BRDT: variants seen among roughly 807,000 people sequenced by gnomAD.
BRDT encodes the protein bromodomain testis-specific protein.
BRDT carries 77 observed loss-of-function variants against 113.9 expected under a neutral mutation model. That is an observed-to-expected ratio of 0.68 (90% confidence interval 0.56 to 0.82). BRDT has a LOEUF of 0.82. Among genes scored for constraint, BRDT ranks in the 40% least tolerant of loss-of-function variants. The pLI is 0.00. For missense variants in BRDT, 1,027 were observed against 1,105.4 expected, an observed-to-expected ratio of 0.93 and a Z score of 1.01; for synonymous variants, 358 against 366.5, an observed-to-expected ratio of 0.98 and a Z score of 0.26.
At chr1:92,007,391 C>A (rs372813496) in intron 18 of BRDT, among the ~76,000 whole-genome samples, 1 of 152,192 alleles carries the variant, frequency 6.6e-6, no homozygotes, top group Non-Finnish European at 1.5e-5. Flanking sequence ...GTCCTCCCAA[C>A]CTCCACCCTC....
intron 12 of BRDT, among the ~76,000 whole-genome samples, chr1:91,983,334 A>T (rs35322567): frequency 0.27 from 37,889 of 140,918 alleles, 6,012 homozygotes; most frequent in Admixed American, 0.39. Flanking sequence ...GCGCTATCTT[A>T]GCTCACTGCA....
At position 91,992,302 on chromosome 1, in the gene BRDT, A is replaced by G; in HGVS notation, c.2103A>G (p.Thr701=). 1 of 1,520,226 alleles carries G rather than the reference A, an allele frequency of 6.6e-7. No homozygotes were observed. The highest frequency in any genetic ancestry group is 8.9e-7 in the Non-Finnish European group (1 of 1,129,188). The allele number at this position is 1,520,226 out of a possible 1,614,324, so 94.2% of individuals were successfully genotyped here. The stretch of plus-strand genomic sequence containing the variant: ...AATGCATACCGCCTGAAGGAAGAAC[A>G]GGCGTCACACAGGTAATGCTTAAAA... ...KNECIPPEGR[T]GVTQIGYCVQ... Residue 701 remains threonine, a synonymous_variant, in exon 14 of 19, where the codon ACA becomes ACG. Coordinates refer to ENST00000399546, the MANE Select transcript of BRDT (RefSeq NM_207189.4).
chr1:91,974,563 A>T (rs1436110093), intron 4 of BRDT, among the ~76,000 whole-genome samples: 1 of 152,274 alleles, frequency 6.6e-6, no homozygotes, highest in Non-Finnish European at 1.5e-5. Flanking sequence ...AGAGAAATCC[A>T]AATCAAAACC....
chr1:91,989,141 A>G (rs922620054), intron 12 of BRDT, among the ~76,000 whole-genome samples: 20 of 151,940 alleles, frequency 1.3e-4, no homozygotes, highest in Admixed American at 3.3e-4. Context: ...AGTTTTATGT[A>G]TTAGAAAACT....
At chr1:91,978,475 A>G (rs1387419786) in intron 7 of BRDT, among the ~76,000 whole-genome samples, 179 bp downstream of exon 7, 1 of 152,174 alleles carries the variant, frequency 6.6e-6, no homozygotes, top group African/African-American at 2.4e-5. Context: ...TTTAAAACTG[A>G]GAGGGTTGTG....
At chr1:91,979,079 A>G (rs1684461544) in intron 7 of BRDT, among the ~76,000 whole-genome samples, 9 of 151,020 alleles carry the variant, frequency 6.0e-5, no homozygotes, top group Admixed American at 4.6e-4. Flanking sequence ...AAAAATGGAG[A>G]AAAGTTGGTA....
intron 3 of BRDT, among the ~76,000 whole-genome samples, chr1:91,966,134 T>TA (rs1469185155): frequency 1.9e-4 from 29 of 152,288 alleles, no homozygotes; most frequent in South Asian, 1.7e-3. Flanking sequence ...CTCTCATCCA[T>TA]AAAATTGGAT....
intron 4 of BRDT, 84 bp from the exon 5 acceptor site, chr1:91,976,182 C>A: frequency 7.5e-7 from 1 of 1,339,752 alleles, no homozygotes; most frequent in Non-Finnish European, 9.9e-7. Flanking sequence ...AAAAGCTGAA[C>A]TAAATGAAAT....
rs535529824 is a variant in BRDT at position 91,978,031 on chromosome 1, A to G, written c.970-137A>G. The G allele has an allele frequency of 4.2e-3, 3,702 of 880,970 alleles. 10 individuals carry two copies. Among genetic ancestry groups the G allele is most frequent in the Non-Finnish European group, 4.9e-3 (3,002 of 617,338 alleles). 54.6% of individuals were successfully genotyped at this position (880,970 alleles called of 1,614,324 possible). On this transcript the variant is annotated intron_variant, in intron 6 of 18. Transcript: ENST00000399546. ...ATGAAACAAATGTAGCAAAATTTTA[A>G]CATTTGTCAAATCTGGATGGTGGAC...
chr1:91,963,921 C>T (rs1206727153), intron 2 of BRDT, among the ~76,000 whole-genome samples: 1 of 150,972 alleles, frequency 6.6e-6, no homozygotes. Flanking sequence ...ACCCAGACTA[C>T]AGTGGAGTGG....
intron 18 of BRDT, among the ~76,000 whole-genome samples, chr1:92,012,298 GAA>G (rs377056596): frequency 7.7e-5 from 8 of 104,412 alleles, no homozygotes; most frequent in African/African-American, 1.7e-4. Context: ...ACTCCATCTA[GAA>G]AAAAAAAAAA....
chr1:92,010,698 T>C (rs1361884461), intron 18 of BRDT, among the ~76,000 whole-genome samples: 1 of 152,176 alleles, frequency 6.6e-6, no homozygotes, highest in Non-Finnish European at 1.5e-5. Flanking sequence ...GTGTATTAAT[T>C]TTCATCCCAG....
At chr1:91,998,837 G>A (rs1425515229) in intron 15 of BRDT, among the ~76,000 whole-genome samples, 1 of 152,190 alleles carries the variant, frequency 6.6e-6, no homozygotes, top group Non-Finnish European at 1.5e-5. Context: ...CAACATGAAT[G>A]TGAAGGTATT....
chr1:92,005,268 A>G lies in BRDT; in HGVS notation c.2744A>G (p.Gln915Arg). The G allele has an allele frequency of 1.9e-6, 3 of 1,575,532 alleles. No individual in the cohort carries two copies. The highest frequency in any genetic ancestry group is 2.6e-6 in the Non-Finnish European group (3 of 1,167,132). Residue 915 changes from glutamine to arginine, a missense_variant, in exon 18 of 19, where the codon CAG becomes CGG. By Grantham distance (43) the Gln-to-Arg change is conservative. Coordinates refer to ENST00000399546, the MANE Select transcript of BRDT (RefSeq NM_207189.4). ...WLLKDRDLAR[Q>R]KEQERRRREA... ...CTCAAAGACCGTGATTTAGCAAGGCAGAAAGAACAAGAGAGGAGGAGGAGA... is the reference window on the plus strand; with the variant it reads ...CTCAAAGACCGTGATTTAGCAAGGCGGAAAGAACAAGAGAGGAGGAGGAGA...
intron 15 of BRDT, among the ~76,000 whole-genome samples, chr1:92,000,697 C>A (rs570762647): frequency 6.6e-6 from 1 of 152,296 alleles, no homozygotes; most frequent in African/African-American, 2.4e-5. Flanking sequence ...TCTTGTTCTT[C>A]AGCCACGAAT....
At chr1:91,988,921 G>A (rs1252133157) in intron 12 of BRDT, among the ~76,000 whole-genome samples, 1 of 152,150 alleles carries the variant, frequency 6.6e-6, no homozygotes, top group African/African-American at 2.4e-5. Context: ...ACTTTTATGA[G>A]ACATATATAG....
intron 12 of BRDT, among the ~76,000 whole-genome samples, chr1:91,982,234 A>T (rs995233240): frequency 6.6e-6 from 1 of 151,498 alleles, no homozygotes; most frequent in Admixed American, 6.6e-5. Flanking sequence ...TGTGAATCAG[A>T]TTTTTTTTTC....
Position 91,980,732 on chromosome 1 carries a change from GA to G in BRDT, c.1383del (p.Glu462LysfsTer17), listed in dbSNP as rs749334062. On this transcript the variant is annotated frameshift_variant, in exon 9 of 19. Coordinates refer to ENST00000399546, the MANE Select transcript of BRDT (RefSeq NM_207189.4). LOFTEE classifies it high-confidence loss of function. The part of the protein sequence containing the change: ...KKKEKSKKEK[K>X]KEKVNNSNEN... Reference sequence around the variant, plus strand: ...AGAAAGAGAAGTCTAAAAAGGAAAAGAAAAAAGAAAAGGTTAATAACAGCAA... The same window carrying G: ...AGAAAGAGAAGTCTAAAAAGGAAAAGAAAAAGAAAAGGTTAATAACAGCAA... 6.2e-6 allele frequency: 10 copies of G among 1,607,346 alleles called. No individual in the cohort carries two copies. The highest frequency in any genetic ancestry group is 8.5e-6 in the Non-Finnish European group (10 of 1,178,560).
At chr1:91,959,539 G>A (rs1046190438) in intron 1 of BRDT, among the ~76,000 whole-genome samples, 10 of 151,708 alleles carry the variant, frequency 6.6e-5, no homozygotes, top group Admixed American at 2.0e-4. Context: ...GGAGTGCAGT[G>A]GCACAATCTG....
Sources: allele counts gnomAD v4.1 joint callset (sites outside exome capture counted in the v4.1 genomes callset), GRCh38; gene constraint gnomAD v4.1.1; transcripts MANE v1.5; gene names NCBI Gene and HGNC (gene_info 2026-07-23, HGNC 2026-07-21).